The following NFIA variants were observed in gnomAD, a reference collection of about 807,000 sequenced individuals.
NFIA encodes nuclear factor 1 A-type.
NFIA carries 8 observed loss-of-function variants against 62.8 expected under a neutral mutation model. The ratio of observed to expected loss-of-function variants is 0.13; its 90% CI spans 0.07 to 0.23. NFIA has a LOEUF of 0.23. Ranked by LOEUF, NFIA falls within the 10% of genes least tolerant of loss-of-function variation. The pLI is 1.00. For synonymous variants in NFIA, 235 were observed against 238.1 expected (o/e 0.99, Z 0.12); for missense variants, 410 against 642.1 (o/e 0.64, Z 3.91).
At position 61,458,623 on chromosome 1, in the gene NFIA, T is replaced by C. The variant is rs1668406006; in HGVS notation, c.*3303T>C. 1 of 152,116 alleles carries C rather than the reference T, an allele frequency of 6.6e-6. No individual in the cohort carries two copies. Among genetic ancestry groups the C allele is most frequent in the African/African-American group, 2.4e-5 (1 of 41,424 alleles). The allele number at this position is 152,116 out of a possible 1,614,324, so 9.4% of individuals were successfully genotyped here. A position where few individuals can be genotyped will look rare whatever the true frequency, so the allele number is the denominator to read the frequency against. Reference sequence around the variant, plus strand: ...CATTATAAAGGCAGCGTTCATAGAATTGCTTTTCTTTCTTTTTACCCCCCC... The same window carrying C: ...CATTATAAAGGCAGCGTTCATAGAACTGCTTTTCTTTCTTTTTACCCCCCC... On this transcript the variant is annotated 3_prime_UTR_variant, in exon 11 of 11. Transcript: ENST00000403491.
At chr1:61,170,888 C>T (rs1649918212) in intron 2 of NFIA, among the ~76,000 whole-genome samples, 1 of 147,678 alleles carries the variant, frequency 6.8e-6, no homozygotes. Context: ...TTGTTTTAAA[C>T]AGTAATGAAC....
At chr1:61,294,043 T>C (rs1471973758) in intron 3 of NFIA, among the ~76,000 whole-genome samples, 1 of 152,236 alleles carries the variant, frequency 6.6e-6, no homozygotes, top group Non-Finnish European at 1.5e-5. Flanking sequence ...AGTGAAAAAG[T>C]ATGACCAGTG....
In NFIA at chr1:61,133,416, A is replaced by G. The variant is rs117502192; in HGVS notation, c.559+44736A>G. ...CCATATATATTAAACTATAGTTATT[A>G]TAAATACATGCATATGTACACTAGA... On this transcript the variant is annotated intron_variant, in intron 2 of 10. Transcript: ENST00000403491. Among the ~76,000 whole-genome samples the G allele has an allele frequency of 3.5e-4, 53 of 152,348 alleles. 1 individual carries two copies. In the East Asian group the frequency reaches 9.6e-3, roughly 28 times the overall value.
rs1352925925 is a variant in NFIA, at chr1:61,443,268, TAAA to T, written c.1513-12031_1513-12029del. On this transcript the variant is annotated intron_variant, in intron 10 of 10. Coordinates refer to ENST00000403491, the MANE Select transcript of NFIA (RefSeq NM_001134673.4). ...TCCCCCACCCCAACAACTCCAAAGA[TAAA>T]AAAGCATCAGTTACAGTCCTGTTAG... Among the ~76,000 whole-genome samples the T allele has an allele frequency of 7.2e-5, 11 of 151,970 alleles. 1 individual carries two copies. The East Asian group carries it at 1.9e-3, about 27-fold the overall frequency.
At chr1:61,426,120 T>C (rs1172187279) in intron 9 of NFIA, among the ~76,000 whole-genome samples, 3 of 152,198 alleles carry the variant, frequency 2.0e-5, no homozygotes, top group African/African-American at 7.2e-5. Flanking sequence ...CCCTCTGCTC[T>C]AAAGAATAGG....
chr1:61,409,661 C>T (rs1191108944), intron 9 of NFIA, among the ~76,000 whole-genome samples: 1 of 152,186 alleles, frequency 6.6e-6, no homozygotes, highest in African/African-American at 2.4e-5. Context: ...TAACACTGAA[C>T]CCCCAATTAC....
chr1:61,185,983 CTTTTCTACCTTT>C (rs1321502783), intron 2 of NFIA, among the ~76,000 whole-genome samples: 2 of 152,172 alleles, frequency 1.3e-5, no homozygotes, highest in African/African-American at 4.8e-5. Flanking sequence ...TTACTACCTT[CTTTTCTACCTTT>C]TGCACTTTTC....
chr1:61,370,843 G>A (rs975283708), intron 6 of NFIA, among the ~76,000 whole-genome samples: 4 of 152,072 alleles, frequency 2.6e-5, no homozygotes, highest in Admixed American at 6.6e-5. Flanking sequence ...TGTAGGTATC[G>A]TCTACTTTGT....
intron 3 of NFIA, among the ~76,000 whole-genome samples, chr1:61,314,932 G>A (rs1660291912): frequency 6.6e-6 from 1 of 152,090 alleles, no homozygotes; most frequent in Non-Finnish European, 1.5e-5. Context: ...TATATGTTCT[G>A]AGTTCACTGT....
chr1:61,287,487 A>G (rs1346893236), intron 3 of NFIA, among the ~76,000 whole-genome samples: 1 of 152,114 alleles, frequency 6.6e-6, no homozygotes, highest in Non-Finnish European at 1.5e-5. Flanking sequence ...TACATTCACC[A>G]TGAAGGTGGA....
At chr1:61,366,574 T>C (rs1663600842) in intron 6 of NFIA, among the ~76,000 whole-genome samples, 1 of 152,230 alleles carries the variant, frequency 6.6e-6, no homozygotes, top group African/African-American at 2.4e-5. Flanking sequence ...TAAATAACTT[T>C]TGGAGATACA....
intron 2 of NFIA, among the ~76,000 whole-genome samples, chr1:61,134,120 A>T (rs1222112898): frequency 6.6e-6 from 1 of 152,122 alleles, no homozygotes; most frequent in Admixed American, 6.5e-5. Flanking sequence ...AAAACAAAAA[A>T]CAAAAAGAGG....
chr1:61,167,012 A>G (rs1005249656), intron 2 of NFIA, among the ~76,000 whole-genome samples: 1 of 152,104 alleles, frequency 6.6e-6, no homozygotes, highest in Non-Finnish European at 1.5e-5. Context: ...GAGGTGGCAC[A>G]CACCTGTAAT....
intron 2 of NFIA, among the ~76,000 whole-genome samples, chr1:61,134,572 T>C (rs141960381): frequency 6.2e-4 from 94 of 152,322 alleles, no homozygotes; most frequent in African/African-American, 2.2e-3. Flanking sequence ...TTAGAGTCTT[T>C]TAGTTATGAC....
intron 3 of NFIA, among the ~76,000 whole-genome samples, chr1:61,304,004 G>A (rs982836719): frequency 2.6e-5 from 4 of 151,580 alleles, no homozygotes; most frequent in Non-Finnish European, 5.9e-5. Context: ...GCCGGGCGCG[G>A]TGGCTCACGC....
At chr1:61,107,368 A>G (rs1332102081) in intron 2 of NFIA, among the ~76,000 whole-genome samples, 1 of 151,806 alleles carries the variant, frequency 6.6e-6, no homozygotes, top group Non-Finnish European at 1.5e-5. Context: ...CTTTTTGCCA[A>G]TCTTGAGGCT....
chr1:61,310,819 T>A (rs775911351), intron 3 of NFIA, among the ~76,000 whole-genome samples: 2 of 109,484 alleles, frequency 1.8e-5, no homozygotes, highest in South Asian at 5.9e-4. Flanking sequence ...GTATATCCTC[T>A]CTGAGAGGCC....
intron 3 of NFIA, among the ~76,000 whole-genome samples, chr1:61,284,298 A>T (rs771874309): frequency 6.6e-6 from 1 of 152,190 alleles, no homozygotes; most frequent in Non-Finnish European, 1.5e-5. Flanking sequence ...TCTTTAAGAG[A>T]TTAGGGAACT....
At chr1:61,207,277 C>T (rs561914807) in intron 2 of NFIA, among the ~76,000 whole-genome samples, 153 of 152,214 alleles carry the variant, frequency 1.0e-3, no homozygotes, top group African/African-American at 3.5e-3. Context: ...CAAATTTAGA[C>T]CCTCACTGGG....
Sources: allele counts gnomAD v4.1 joint callset (sites outside exome capture counted in the v4.1 genomes callset), GRCh38; gene constraint gnomAD v4.1.1; transcripts MANE v1.5; gene names NCBI Gene and HGNC (gene_info 2026-07-23, HGNC 2026-07-21).